ARHGAP42: variants seen among roughly 807,000 people sequenced by gnomAD.
ARHGAP42 encodes the protein Rho GTPase activating protein 42.
Under a neutral mutation model 125.0 loss-of-function variants are expected in ARHGAP42, and 63 were observed. The observed-to-expected ratio is 0.50, with a 90% CI of 0.41 to 0.62. The LOEUF (loss-of-function observed/expected upper bound fraction) is 0.62, where lower values mean the gene tolerates loss of function less well. ARHGAP42 is among the 20% of genes least tolerant of loss of function. The probability of loss-of-function intolerance (pLI) is 0.00; values close to 1 mark genes in which losing one functional copy is unlikely to be tolerated. For missense variants in ARHGAP42, 766 were observed against 1,024.2 expected, an observed-to-expected ratio of 0.75 and a Z score of 3.44; for synonymous variants, 339 against 351.0, an observed-to-expected ratio of 0.97 and a Z score of 0.38.
At chr11:100,842,498 C>T (rs12809048) in intron 3 of ARHGAP42, among the ~76,000 whole-genome samples, 4,441 of 152,150 alleles carry the variant, frequency 0.029, 95 homozygotes, top group Non-Finnish European at 0.042. Flanking sequence ...GCCCAAGAAG[C>T]ATATTAGCAC....
chr11:100,986,892 A>T (rs1382859988), intron 22 of ARHGAP42, among the ~76,000 whole-genome samples: 1 of 151,744 alleles, frequency 6.6e-6, no homozygotes, highest in African/African-American at 2.4e-5. Context: ...GAATTTGCAT[A>T]TAGTGACAGA....
intron 3 of ARHGAP42, among the ~76,000 whole-genome samples, chr11:100,807,751 C>T (rs1864033499): frequency 6.6e-6 from 1 of 152,190 alleles, no homozygotes; most frequent in Non-Finnish European, 1.5e-5. Context: ...CATTTTCCTG[C>T]CTTTGGCATT....
At chr11:100,781,245 C>A (rs1232803357) in intron 2 of ARHGAP42, among the ~76,000 whole-genome samples, 2 of 150,152 alleles carry the variant, frequency 1.3e-5, no homozygotes, top group South Asian at 2.1e-4. Flanking sequence ...CTCTTACTTT[C>A]TTTATGTACA....
chr11:100,732,772 A>T (rs905705904), intron 1 of ARHGAP42, among the ~76,000 whole-genome samples: 3 of 152,076 alleles, frequency 2.0e-5, no homozygotes, highest in African/African-American at 7.2e-5. Flanking sequence ...AGTAGCTGTT[A>T]CTCCTCTTCC....
chr11:100,788,428 T>C (rs11224446), intron 2 of ARHGAP42, among the ~76,000 whole-genome samples: 7,790 of 152,300 alleles, frequency 0.051, 259 homozygotes, highest in East Asian at 0.18. Context: ...ATCAGAAGGA[T>C]GTATGCCTCC....
At chr11:100,773,298 T>G in intron 2 of ARHGAP42, among the ~76,000 whole-genome samples, 1 of 152,334 alleles carries the variant, frequency 6.6e-6, no homozygotes, top group African/African-American at 2.4e-5. Context: ...TTTAATATTT[T>G]TCACTTATGT....
chr11:100,769,853 A>T (rs770059484), intron 1 of ARHGAP42, among the ~76,000 whole-genome samples: 11 of 151,356 alleles, frequency 7.3e-5, no homozygotes, highest in Non-Finnish European at 1.5e-4. Context: ...GATGGAGAGC[A>T]TCGGGAAAAA....
chr11:100,767,460 G>A (rs1315563250), intron 1 of ARHGAP42, among the ~76,000 whole-genome samples: 1 of 152,164 alleles, frequency 6.6e-6, no homozygotes, highest in East Asian at 1.9e-4. Context: ...TGGGGATGGG[G>A]ATTACTGTCA....
At chr11:100,980,680 C>T (rs540167715) in intron 22 of ARHGAP42, among the ~76,000 whole-genome samples, 1 of 145,780 alleles carries the variant, frequency 6.9e-6, no homozygotes, top group Admixed American at 7.2e-5. Flanking sequence ...AAGTGATTCT[C>T]CTGCCTCAGC....
chr11:100,896,997 A>C (rs1220930555), intron 4 of ARHGAP42, among the ~76,000 whole-genome samples: 1 of 152,224 alleles, frequency 6.6e-6, no homozygotes, highest in African/African-American at 2.4e-5. Flanking sequence ...TCTTTAATCC[A>C]TCTTGAATTA....
At chr11:100,869,753 A>G (rs1865657890) in intron 4 of ARHGAP42, among the ~76,000 whole-genome samples, 1 of 152,218 alleles carries the variant, frequency 6.6e-6, no homozygotes, top group South Asian at 2.1e-4. Flanking sequence ...ATAGATGATC[A>G]TAGCTTTAAG....
At chr11:100,777,841 G>A (rs1759195164) in intron 2 of ARHGAP42, among the ~76,000 whole-genome samples, 1 of 152,076 alleles carries the variant, frequency 6.6e-6, no homozygotes, top group Non-Finnish European at 1.5e-5. Context: ...GTACAAATAT[G>A]CATTTTTACA....
chr11:100,894,503 G>A (rs1866294948), intron 4 of ARHGAP42, among the ~76,000 whole-genome samples: 1 of 152,152 alleles, frequency 6.6e-6, no homozygotes. Flanking sequence ...GTATATTTTT[G>A]TGACTGAAAA....
chr11:100,937,538 G>C (rs1867768225), intron 8 of ARHGAP42, among the ~76,000 whole-genome samples: 1 of 152,112 alleles, frequency 6.6e-6, no homozygotes, highest in African/African-American at 2.4e-5. Flanking sequence ...ACATTGAGAG[G>C]AGCTCACATT....
chr11:100,707,712 CTG>C (rs1861501485), intron 1 of ARHGAP42, among the ~76,000 whole-genome samples: 1 of 152,182 alleles, frequency 6.6e-6, no homozygotes, highest in Non-Finnish European at 1.5e-5. Flanking sequence ...TTAGCACTTG[CTG>C]TGTGTCAGGT....
intron 4 of ARHGAP42, among the ~76,000 whole-genome samples, chr11:100,906,579 T>G (rs994573966): frequency 1.8e-5 from 1 of 55,264 alleles, no homozygotes; most frequent in African/African-American, 8.3e-5. Flanking sequence ...ATGTGGAAAC[T>G]TTAAAAAAAA....
intron 3 of ARHGAP42, among the ~76,000 whole-genome samples, chr11:100,817,551 A>G (rs1028632312): frequency 1.3e-5 from 2 of 152,198 alleles, no homozygotes; most frequent in Non-Finnish European, 1.5e-5. Flanking sequence ...TTGTGCAAGT[A>G]TAATCTTCTC....
At chr11:100,951,245 AT>A (rs1224599032) in intron 12 of ARHGAP42, among the ~76,000 whole-genome samples, 1 of 152,050 alleles carries the variant, frequency 6.6e-6, no homozygotes, top group Non-Finnish European at 1.5e-5. Flanking sequence ...TTTAAATAAT[AT>A]TTTAAAAAAC....
intron 4 of ARHGAP42, among the ~76,000 whole-genome samples, chr11:100,902,944 G>A (rs1434335513): frequency 6.6e-6 from 1 of 152,136 alleles, no homozygotes; most frequent in Non-Finnish European, 1.5e-5. Flanking sequence ...CTTACCCAAT[G>A]AACGGCCCCG....
Sources: allele counts gnomAD v4.1 joint callset (sites outside exome capture counted in the v4.1 genomes callset), GRCh38; gene constraint gnomAD v4.1.1; transcripts MANE v1.5; gene names NCBI Gene and HGNC (gene_info 2026-07-23, HGNC 2026-07-21).